Variants in SORCS2 observed in about 807,000 individuals in gnomAD.
SORCS2 encodes the protein sortilin related VPS10 domain containing receptor 2, also known as VPS10 domain-containing receptor SorCS2.
In SORCS2, 100 loss-of-function variants were observed where a neutral mutation model predicts 141.6. That is an observed-to-expected ratio of 0.71 (90% CI 0.60 to 0.83). The LOEUF (loss-of-function observed/expected upper bound fraction) is 0.83. Ranked by LOEUF, SORCS2 falls within the 40% of genes least tolerant of loss-of-function variation. The pLI is 0.00. For missense variants in SORCS2, 1,646 were observed against 1,560.2 expected, an observed-to-expected ratio of 1.05 and a Z score of -0.93; for synonymous variants, 789 against 676.9, an observed-to-expected ratio of 1.17 and a Z score of -2.57.
intron 14 of SORCS2, among the ~76,000 whole-genome samples, chr4:7,706,513 G>C (rs1329060423): frequency 1.0e-4 from 15 of 143,028 alleles, no homozygotes; most frequent in African/African-American, 3.7e-4. Flanking sequence ...CCTGGGCAGG[G>C]ATGAGGCTGG....
chr4:7,312,023 G>T (rs1052789761), intron 1 of SORCS2, among the ~76,000 whole-genome samples: 1 of 151,978 alleles, frequency 6.6e-6, no homozygotes, highest in Non-Finnish European at 1.5e-5. Flanking sequence ...TTACAGGCAC[G>T]CACCACCACA....
At position 7,192,760 on chromosome 4, in the gene SORCS2, G is replaced by A; in HGVS notation, c.114G>A (p.Leu38=). The A allele has an allele frequency of 1.0e-6, 1 of 998,510 alleles. No individual in the cohort carries two copies. The highest frequency in any genetic ancestry group is 4.5e-5 in the South Asian group (1 of 22,230). The allele number at this position is 998,510 out of a possible 1,614,324, so 61.9% of individuals were successfully genotyped here. A position where few individuals can be genotyped will look rare whatever the true frequency, so the allele number is the denominator to read the frequency against. The change falls in exon 1 of 27, where the codon CTG becomes CTA. Residue 38 remains leucine, a synonymous_variant. Transcript: ENST00000507866. The surrounding 1 kb of genome is among the most constrained non-coding windows in gnomAD (Gnocchi z 4.0). Reference sequence around the variant, plus strand: ...CGCCGCGCTCGCGGCCGCTCCTGCTGCTGCTGCTGCTGCTGGGCGCCTGCG... The same window carrying A: ...CGCCGCGCTCGCGGCCGCTCCTGCTACTGCTGCTGCTGCTGGGCGCCTGCG... ...PRSPRSRPLL[L]LLLLLGACGA...
intron 18 of SORCS2, among the ~76,000 whole-genome samples, chr4:7,722,836 G>A (rs865889564): frequency 2.0e-5 from 3 of 152,162 alleles, no homozygotes; most frequent in Non-Finnish European, 2.9e-5. Flanking sequence ...AACTTACAAC[G>A]TTTGGCTGGT....
intron 18 of SORCS2, among the ~76,000 whole-genome samples, chr4:7,719,027 G>A (rs561272523): frequency 6.6e-6 from 1 of 152,250 alleles, no homozygotes; most frequent in Non-Finnish European, 1.5e-5. Context: ...GCAAAAGAGG[G>A]TTCGATGCAT....
At chr4:7,300,285 T>G (rs1717348447) in intron 1 of SORCS2, among the ~76,000 whole-genome samples, 3 of 149,932 alleles carry the variant, frequency 2.0e-5, no homozygotes, top group Admixed American at 6.6e-5. Flanking sequence ...GGGGATGGGG[T>G]GGGAAGTACT....
chr4:7,316,957 A>T (rs1718599123), intron 1 of SORCS2, among the ~76,000 whole-genome samples: 1 of 152,132 alleles, frequency 6.6e-6, no homozygotes, highest in African/African-American at 2.4e-5. Flanking sequence ...ATCTCCCCTG[A>T]CAGCAGACAG....
chr4:7,473,103 G>A (rs34380887), intron 2 of SORCS2, among the ~76,000 whole-genome samples: 27,159 of 152,050 alleles, frequency 0.18, 2,442 homozygotes, highest in Admixed American at 0.2. Flanking sequence ...TATTTGTAAT[G>A]TTAAAGCATC....
At chr4:7,376,804 C>T in intron 1 of SORCS2, among the ~76,000 whole-genome samples, 1 of 132,740 alleles carries the variant, frequency 7.5e-6, no homozygotes. Context: ...ATTTGCTGCT[C>T]ATATAGTGTC....
At chr4:7,731,667 C>T (rs997222056) in intron 23 of SORCS2, among the ~76,000 whole-genome samples, 11 of 152,122 alleles carry the variant, frequency 7.2e-5, no homozygotes, top group African/African-American at 2.7e-4. Context: ...CATACATGTA[C>T]GGTCAATTGA....
At chr4:7,602,923 G>A (rs1014793038) in intron 3 of SORCS2, among the ~76,000 whole-genome samples, 28 of 152,240 alleles carry the variant, frequency 1.8e-4, no homozygotes, top group Admixed American at 7.9e-4. Flanking sequence ...TCGGGAGGCC[G>A]AAGCTGGCAG....
intron 24 of SORCS2, 30 bp from the exon 25 acceptor site, chr4:7,734,242 G>A (rs1253718909): frequency 6.5e-7 from 1 of 1,540,810 alleles, no homozygotes; most frequent in East Asian, 2.4e-5. Context: ...GGTGCCCGAG[G>A]TCCTCCACTG....
chr4:7,420,653 C>A (rs568257088), intron 2 of SORCS2, among the ~76,000 whole-genome samples: 1 of 152,256 alleles, frequency 6.6e-6, no homozygotes, highest in Admixed American at 6.5e-5. Context: ...TTCCTGACGC[C>A]ACTGAGCCCA....
At chr4:7,637,375 G>A (rs1720330485) in intron 3 of SORCS2, among the ~76,000 whole-genome samples, 1 of 152,192 alleles carries the variant, frequency 6.6e-6, no homozygotes, top group Non-Finnish European at 1.5e-5. Context: ...AAGGTAGTGG[G>A]CCCCACCCCG....
intron 3 of SORCS2, among the ~76,000 whole-genome samples, chr4:7,603,794 C>T (rs1717886953): frequency 1.3e-5 from 2 of 152,124 alleles, no homozygotes; most frequent in African/African-American, 4.8e-5. Flanking sequence ...CTGGGTCACA[C>T]CTGTGCTCCT....
intron 3 of SORCS2, among the ~76,000 whole-genome samples, chr4:7,574,144 C>G (rs896840180): frequency 5.3e-5 from 8 of 152,240 alleles, no homozygotes; most frequent in Admixed American, 1.3e-4. Context: ...TCAGTCAGTT[C>G]CCCCCAGAAG....
At chr4:7,500,327 G>A (rs1731887890) in intron 2 of SORCS2, among the ~76,000 whole-genome samples, 1 of 152,048 alleles carries the variant, frequency 6.6e-6, no homozygotes, top group African/African-American at 2.4e-5. Flanking sequence ...CTCCAGGCAT[G>A]CTCTGTGCCG....
intron 1 of SORCS2, among the ~76,000 whole-genome samples, chr4:7,270,314 C>T (rs1715032539): frequency 6.6e-6 from 1 of 152,280 alleles, no homozygotes; most frequent in East Asian, 1.9e-4. Context: ...TGCTGCGTTC[C>T]AGAAATAAAC....
intron 1 of SORCS2, among the ~76,000 whole-genome samples, chr4:7,232,742 C>T (rs1711987074): frequency 6.6e-6 from 1 of 152,182 alleles, no homozygotes; most frequent in African/African-American, 2.4e-5. Flanking sequence ...CCCTGGGCCC[C>T]CTCAGTAGGC....
chr4:7,374,198 T>TCTTTC (rs1722483753), intron 1 of SORCS2, among the ~76,000 whole-genome samples: 3 of 149,596 alleles, frequency 2.0e-5, no homozygotes, highest in South Asian at 2.1e-4. Flanking sequence ...TTTCTTTCTT[T>TCTTTC]TTTGCAGAGA....
Sources: gnomAD v4.1 joint callset for allele counts (sites outside exome capture counted in the v4.1 genomes callset) on GRCh38, gnomAD v4.1.1 for gene constraint, Gnocchi (gnomAD v3.1) non-coding constraint, MANE v1.5 for transcripts, NCBI Gene and HGNC (gene_info 2026-07-23, HGNC 2026-07-21) for gene names.